Variants in MANEAL observed in about 807,000 individuals in gnomAD.
MANEAL encodes mannosidase endo-alpha like, also known as glycoprotein endo-alpha-1,2-mannosidase-like protein.
MANEAL carries 28 observed loss-of-function variants against 35.9 expected under a neutral mutation model. The observed-to-expected ratio is 0.78, with a 90% confidence interval of 0.58 to 1.07. The LOEUF is 1.07. Among genes scored for constraint, MANEAL ranks in the 50% least tolerant of loss-of-function variants. The pLI is 0.00. For missense variants in MANEAL, 576 were observed against 629.6 expected, an observed-to-expected ratio of 0.91 and a Z score of 0.91; for synonymous variants, 286 against 272.2, an observed-to-expected ratio of 1.05 and a Z score of -0.50.
chr1:37,799,721 G>A lies in MANEAL; in HGVS notation c.892G>A (p.Asp298Asn), dbSNP rs1054222973. The part of the protein sequence containing the change: ...GPHSIRNTPY[D>N]GVFIALLVEE... ...CCATTCGATCCGCAACACGCCCTAC[G>A]ATGGGGTCTTCATAGCGCTGCTGGT... is the stretch of plus-strand genomic sequence containing the variant. The change falls in exon 4 of 4, where the codon GAT becomes AAT. Residue 298 changes from aspartate (D) to asparagine (N), a missense_variant. Transcript: ENST00000373045. The surrounding 1 kb of genome is among the most constrained non-coding windows in gnomAD (Gnocchi z 4.1). The A allele has an allele frequency of 1.2e-6, 2 of 1,614,214 alleles. No homozygotes were observed. The highest frequency in any genetic ancestry group is 1.1e-5 in the South Asian group (1 of 91,088).
At chr1:37,798,917 T>TA (rs1420693292) in intron 3 of MANEAL, among the ~76,000 whole-genome samples, 1 of 151,716 alleles carries the variant, frequency 6.6e-6, no homozygotes, top group African/African-American at 2.4e-5. Context: ...CGGGTGCCTG[T>TA]AATTCCAGCT....
At chr1:37,796,209 G>A (rs532971680) in intron 2 of MANEAL, among the ~76,000 whole-genome samples, 1 of 152,310 alleles carries the variant, frequency 6.6e-6, no homozygotes, top group South Asian at 2.1e-4. Flanking sequence ...ACCTCGAGGA[G>A]TAGGCAGGTG....
rs200825934 is a variant in MANEAL at position 37,795,812 on chromosome 1, C to A, written c.626C>A (p.Ala209Asp). ...NGEPSDDLVP[A>D]ILDTAHQYSI... Reference sequence around the variant, plus strand: ...GAGCCCTCAGATGACCTGGTGCCCGCCATTCTGGACACCGCCCATCAGTAC... The same window carrying A: ...GAGCCCTCAGATGACCTGGTGCCCGACATTCTGGACACCGCCCATCAGTAC... Residue 209 changes from alanine (A) to aspartate (D), a missense_variant, in exon 2 of 4, where the codon GCC (alanine) becomes GAC (aspartate). By Grantham distance (126) the Ala-to-Asp change is moderately radical (BLOSUM62 -2). Transcript: ENST00000373045. The A allele has an allele frequency of 6.2e-7, 1 of 1,614,136 alleles. No homozygotes were observed.
rs1646689584 is a variant in MANEAL, at chr1:37,800,512, G to C, written c.*309G>C. 3 of 412,640 alleles carry C rather than the reference G, an allele frequency of 7.3e-6. No homozygotes were observed. The highest frequency in any genetic ancestry group is 1.4e-5 in the Non-Finnish European group (3 of 221,794). The allele number at this position is 412,640 out of a possible 1,614,324, so 25.6% of individuals were successfully genotyped here. On this transcript the variant is annotated 3_prime_UTR_variant, in exon 4 of 4. Transcript: ENST00000373045. ...CTTCTAGTTTTGAACTCTGCAGCAG[G>C]CTGGTGCTGTGTAGTGGCCACCCAG...
intron 2 of MANEAL, 79 bp from the exon 3 acceptor site, chr1:37,796,665 C>A: frequency 7.5e-7 from 1 of 1,325,556 alleles, no homozygotes; most frequent in Non-Finnish European, 1.1e-6. Flanking sequence ...TCCTCCAGGC[C>A]ATGGTTAGAT....
chr1:37,800,259 C>G lies in MANEAL; in HGVS notation c.*56C>G. The G allele has an allele frequency of 6.3e-7, 1 of 1,580,364 alleles. No homozygotes were observed. Among genetic ancestry groups the G allele is most frequent in the Non-Finnish European group, 8.6e-7 (1 of 1,165,546 alleles). On this transcript the variant is annotated 3_prime_UTR_variant, in exon 4 of 4. Coordinates refer to ENST00000373045, the MANE Select transcript of MANEAL (RefSeq NM_001113482.2). Reference sequence around the variant, plus strand: ...GTCCTTGCCTTGCTGGAAGATGTCACCATGTGGGGTTCAGCTGAGGTTGTA... The same window carrying G: ...GTCCTTGCCTTGCTGGAAGATGTCAGCATGTGGGGTTCAGCTGAGGTTGTA...
intron 1 of MANEAL, 172 bp from the exon 2 acceptor site, chr1:37,795,565 A>T: frequency 7.0e-7 from 1 of 1,429,880 alleles, no homozygotes. Context: ...GCGGGCGTGG[A>T]CAGCTCCGGG....
intron 1 of MANEAL, 23 bp from the exon 2 acceptor site, chr1:37,795,714 G>A: frequency 6.2e-7 from 1 of 1,614,024 alleles, no homozygotes; most frequent in Non-Finnish European, 8.5e-7. Flanking sequence ...TGTCTCTGAA[G>A]TGGCCTCTGT....
rs1646682245 is a variant in MANEAL at position 37,799,990 on chromosome 1, C to A, written c.1161C>A (p.Ala387=). The part of the protein sequence containing the change: ...NRVNGKYYET[A]LQAALTVRPE... ...TCAATGGCAAGTACTATGAGACGGC[C>A]CTGCAGGCGGCCCTGACAGTGAGGC... The change falls in exon 4 of 4, where the codon GCC becomes GCA. Residue 387 remains alanine (A), a synonymous_variant. Coordinates refer to ENST00000373045, the MANE Select transcript of MANEAL (RefSeq NM_001113482.2). The surrounding 1 kb of genome is among the most constrained non-coding windows in gnomAD (Gnocchi z 4.1). 6.2e-7 allele frequency: 1 copy of A among 1,614,200 alleles called. No individual in the cohort carries two copies. The highest frequency in any genetic ancestry group is 8.5e-7 in the Non-Finnish European group (1 of 1,180,028).
rs1403174505 is a variant in MANEAL, at chr1:37,794,386, G to A, written c.204G>A (p.Pro68=). Residue 68 remains proline, a synonymous_variant, in exon 1 of 4, where the codon CCG becomes CCA. Coordinates refer to ENST00000373045, the MANE Select transcript of MANEAL (RefSeq NM_001113482.2). This position sits in a 1 kb window ranked among gnomAD's most constrained non-coding sequence, Gnocchi z 5.7. ...AARAPAAPAA[P]PPPPPPPRTA... The stretch of plus-strand genomic sequence containing the variant: ...GGGCCCCGGCAGCCCCTGCCGCGCC[G>A]CCCCCGCCGCCGCCGCCGCCCCGCA... 13 of 1,102,566 alleles carry A rather than the reference G, an allele frequency of 1.2e-5. No individual in the cohort carries two copies. In the African/African-American group the frequency reaches 1.5e-4, roughly 13 times the overall value. The allele number at this position is 1,102,566 out of a possible 1,614,324, so 68.3% of individuals were successfully genotyped here.
At chr1:37,796,703 G>A in intron 2 of MANEAL, 41 bp from the exon 3 acceptor site, 1 of 1,555,338 alleles carries the variant, frequency 6.4e-7, no homozygotes, top group Non-Finnish European at 8.8e-7. Flanking sequence ...GTGGCCCCTA[G>A]ATAGACACTC....
Position 37,794,360 on chromosome 1 carries a change from A to G in MANEAL, c.178A>G (p.Arg60Gly), listed in dbSNP as rs1646624550. 2 of 1,064,108 alleles carry G rather than the reference A, an allele frequency of 1.9e-6. No individual in the cohort carries two copies. The highest frequency in any genetic ancestry group is 2.3e-6 in the Non-Finnish European group (2 of 881,462). 65.9% of individuals were successfully genotyped at this position (1,064,108 alleles called of 1,614,324 possible). A position where few individuals can be genotyped will look rare whatever the true frequency, so the allele number is the denominator to read the frequency against. Residue 60 changes from arginine to glycine, a missense_variant, in exon 1 of 4, where the codon AGG becomes GGG. By Grantham distance (125) the Arg-to-Gly change is moderately radical (BLOSUM62 -2). This residue lies in a region of MANEAL where 122 missense variants were observed against 97.2 expected (regional missense o/e 1.26). Transcript: ENST00000373045. This position sits in a 1 kb window ranked among gnomAD's most constrained non-coding sequence, Gnocchi z 5.7. ...RPEGAPAPAARAPAAPAAPPP... is the reference protein window; with the variant it reads ...RPEGAPAPAAGAPAAPAAPPP... Reference sequence around the variant, plus strand: ...AGAGGGGGCCCCCGCGCCCGCTGCCAGGGCCCCGGCAGCCCCTGCCGCGCC... The same window carrying G: ...AGAGGGGGCCCCCGCGCCCGCTGCCGGGGCCCCGGCAGCCCCTGCCGCGCC...
Position 37,793,935 on chromosome 1 carries a change from G to GA in MANEAL, c.-245dup, listed in dbSNP as rs1211932780. 1.2e-5 allele frequency: 2 copies of GA among 162,022 alleles called. No individual in the cohort carries two copies. Among genetic ancestry groups the GA allele is most frequent in the Non-Finnish European group, 2.7e-5 (2 of 74,962 alleles). The allele number at this position is 162,022 out of a possible 1,614,324, so 10.0% of individuals were successfully genotyped here. A position where few individuals can be genotyped will look rare whatever the true frequency, so the allele number is the denominator to read the frequency against. ...CTCAGGCCCCTGCTCCTGTGGCCCC[G>GA]AAACTCGCCGTTCGCTGGGCCTTGC... is the stretch of plus-strand genomic sequence containing the variant. On this transcript the variant is annotated 5_prime_UTR_variant, in exon 1 of 4. Coordinates refer to ENST00000373045, the MANE Select transcript of MANEAL (RefSeq NM_001113482.2).
intron 3 of MANEAL, among the ~76,000 whole-genome samples, chr1:37,798,478 C>T (rs922065851): frequency 6.6e-6 from 1 of 152,086 alleles, no homozygotes; most frequent in African/African-American, 2.4e-5. Context: ...ACCTGTAATC[C>T]CAGCACTTTG....
rs1345620268 is a variant in MANEAL, at chr1:37,794,085, G to C, written c.-98G>C. 4 of 840,182 alleles carry C rather than the reference G, an allele frequency of 4.8e-6. No homozygotes were observed. Among genetic ancestry groups the C allele is most frequent in the Admixed American group, 5.6e-5 (1 of 17,720 alleles). 52.0% of individuals were successfully genotyped at this position (840,182 alleles called of 1,614,324 possible). On this transcript the variant is annotated 5_prime_UTR_variant, in exon 1 of 4. Coordinates refer to ENST00000373045, the MANE Select transcript of MANEAL (RefSeq NM_001113482.2). The surrounding 1 kb of genome is among the most constrained non-coding windows in gnomAD (Gnocchi z 5.7). ...GGCGCCGCCCACGCCGCGCTCTGCC[G>C]GGCGCACAGTCTGCCTGGGAAGCGC...
chr1:37,799,957 C>G lies in MANEAL; in HGVS notation c.1128C>G (p.Arg376=). Residue 376 remains arginine (R), a synonymous_variant, in exon 4 of 4, where the codon CGC becomes CGG. Coordinates refer to ENST00000373045, the MANE Select transcript of MANEAL (RefSeq NM_001113482.2). The surrounding 1 kb of genome is among the most constrained non-coding windows in gnomAD (Gnocchi z 4.1). ...GGCCCTGGAACAACCACAATACGCG[C>G]AACAGGGTCAATGGCAAGTACTATG... ...SIRPWNNHNT[R]NRVNGKYYET... is the part of the protein sequence containing the mutation. The G allele has an allele frequency of 1.2e-6, 2 of 1,614,238 alleles. No individual in the cohort carries two copies. Among genetic ancestry groups the G allele is most frequent in the Non-Finnish European group, 1.7e-6 (2 of 1,180,040 alleles).
rs1229694383 is a variant in MANEAL at position 37,794,116 on chromosome 1, CG to C, written c.-64del. 1 of 1,051,778 alleles carries C rather than the reference CG, an allele frequency of 9.5e-7. No individual in the cohort carries two copies. Among genetic ancestry groups the C allele is most frequent in the Non-Finnish European group, 1.2e-6 (1 of 867,040 alleles). The allele number at this position is 1,051,778 out of a possible 1,614,324, so 65.2% of individuals were successfully genotyped here. The stretch of plus-strand genomic sequence containing the variant: ...ACAGTCTGCCTGGGAAGCGCGCGGC[CG>C]GGCGGGCGGCCATGGCGCGGCACGC... On this transcript the variant is annotated 5_prime_UTR_variant, in exon 1 of 4. Coordinates refer to ENST00000373045, the MANE Select transcript of MANEAL (RefSeq NM_001113482.2). The surrounding 1 kb of genome is among the most constrained non-coding windows in gnomAD (Gnocchi z 5.7).
At chr1:37,796,879 A>G (rs1418665302) in intron 3 of MANEAL, 59 bp downstream of exon 3, 2 of 1,493,098 alleles carry the variant, frequency 1.3e-6, no homozygotes, top group East Asian at 4.8e-5. Context: ...TAGGGATAGA[A>G]GGTTTGGAGG....
intron 3 of MANEAL, among the ~76,000 whole-genome samples, chr1:37,798,234 T>C (rs766035648): frequency 6.6e-6 from 1 of 152,158 alleles, no homozygotes; most frequent in African/African-American, 2.4e-5. Context: ...CAGTAATGGG[T>C]AGGACTAGCG....
Sources: allele counts gnomAD v4.1 joint callset (sites outside exome capture counted in the v4.1 genomes callset), GRCh38; gene constraint gnomAD v4.1.1; regional missense constraint gnomAD v4.1.1; non-coding constraint Gnocchi (gnomAD v3.1); transcripts MANE v1.5; gene names NCBI Gene and HGNC (gene_info 2026-07-23, HGNC 2026-07-21).